SNX29: variants seen among roughly 807,000 people sequenced by gnomAD.
SNX29 encodes the protein sorting nexin 29, also known as sorting nexin-29.
Under a neutral mutation model 102.1 loss-of-function variants are expected in SNX29, and 78 were observed. The ratio of observed to expected loss-of-function variants is 0.76; its 90% CI spans 0.64 to 0.92. The LOEUF (loss-of-function observed/expected upper bound fraction) is 0.92. Ranked by LOEUF, SNX29 falls within the 40% of genes least tolerant of loss-of-function variation. The pLI, the probability that SNX29 is intolerant of heterozygous loss-of-function variation, is 0.00. For synonymous variants in SNX29, 580 were observed against 414.5 expected (o/e 1.40, Z -4.85); for missense variants, 1,280 against 1,061.7 (o/e 1.21, Z -2.86).
At chr16:12,456,908 A>C (rs575864794) in intron 18 of SNX29, among the ~76,000 whole-genome samples, 16 of 152,244 alleles carry the variant, frequency 1.1e-4, no homozygotes, top group African/African-American at 3.9e-4. Context: ...GGGCATTAGC[A>C]TCTTGTCTGC....
intron 19 of SNX29, among the ~76,000 whole-genome samples, chr16:12,518,612 G>A (rs979168486): frequency 6.6e-6 from 1 of 152,124 alleles, no homozygotes; most frequent in Non-Finnish European, 1.5e-5. Context: ...GAGCACCTGT[G>A]GGTTCCATCG....
Position 12,569,946 on chromosome 16 carries a change from T to C in SNX29, c.*1317T>C. 8.6e-6 allele frequency: 2 copies of C among 233,816 alleles called. No individual in the cohort carries two copies. Among genetic ancestry groups the C allele is most frequent in the Non-Finnish European group, 1.7e-5 (2 of 118,870 alleles). 14.5% of individuals were successfully genotyped at this position (233,816 alleles called of 1,614,324 possible). On this transcript the variant is annotated 3_prime_UTR_variant, in exon 21 of 21. Coordinates refer to ENST00000566228, the MANE Select transcript of SNX29 (RefSeq NM_032167.5). ...CCTGAGGAGAAAAGCAGGTGGAAGG[T>C]GACGGTTAGATGGTAAGCCATGGGC...
At chr16:12,206,186 C>G (rs1168880285) in intron 14 of SNX29, among the ~76,000 whole-genome samples, 1 of 152,168 alleles carries the variant, frequency 6.6e-6, no homozygotes, top group Non-Finnish European at 1.5e-5. Flanking sequence ...CTTGTGATGA[C>G]AGGAGTCATA....
intron 11 of SNX29, among the ~76,000 whole-genome samples, chr16:12,082,891 C>G (rs2051977778): frequency 6.6e-6 from 1 of 152,094 alleles, no homozygotes; most frequent in African/African-American, 2.4e-5. Flanking sequence ...CCCACCCTGC[C>G]ATCACCTCCT....
At chr16:12,537,984 CA>C (rs33931845) in intron 20 of SNX29, among the ~76,000 whole-genome samples, 59,969 of 127,684 alleles carry the variant, frequency 0.47, 13,730 homozygotes, top group African/African-American at 0.66. Context: ...AACTCCGTTT[CA>C]AAAAAAAAAA....
At chr16:12,155,884 C>G (rs1049304209) in intron 13 of SNX29, among the ~76,000 whole-genome samples, 6 of 152,204 alleles carry the variant, frequency 3.9e-5, no homozygotes, top group African/African-American at 1.4e-4. Context: ...TGAGATCACT[C>G]CTCTGCTCAA....
intron 3 of SNX29, 146 bp from the exon 4 acceptor site, chr16:12,027,174 C>G (rs1567541599): frequency 1.1e-6 from 1 of 918,492 alleles, no homozygotes. Flanking sequence ...AGGTCAGTTA[C>G]CAAGCCTGCA....
chr16:12,083,362 C>T (rs1414057352), intron 11 of SNX29, among the ~76,000 whole-genome samples: 1 of 151,564 alleles, frequency 6.6e-6, no homozygotes, highest in Non-Finnish European at 1.5e-5. Flanking sequence ...GGCTGAAAGA[C>T]CAAGATCAAG....
intron 18 of SNX29, among the ~76,000 whole-genome samples, chr16:12,409,508 A>G (rs1471752809): frequency 1.4e-5 from 2 of 141,364 alleles, no homozygotes; most frequent in Admixed American, 7.7e-5. Context: ...GGTTCACTGC[A>G]AGCTCCACCT....
At chr16:12,187,347 G>A (rs2141875955) in intron 13 of SNX29, among the ~76,000 whole-genome samples, 1 of 152,270 alleles carries the variant, frequency 6.6e-6, no homozygotes, top group East Asian at 1.9e-4. Flanking sequence ...ATCGTGTGAG[G>A]CCAGGAGTTT....
chr16:12,070,595 G>A (rs1008948625), intron 10 of SNX29, among the ~76,000 whole-genome samples: 2 of 151,696 alleles, frequency 1.3e-5, no homozygotes, highest in Non-Finnish European at 2.9e-5. Flanking sequence ...CATTCGGGTT[G>A]GTTCCAAGTC....
chr16:12,526,737 A>T (rs1052515565), intron 20 of SNX29: 1 of 458,102 alleles, frequency 2.2e-6, no homozygotes, highest in South Asian at 1.9e-5. Flanking sequence ...TGATGCTGAG[A>T]GTGTGAGCAG....
At chr16:12,010,605 G>A (rs935603104) in intron 3 of SNX29, among the ~76,000 whole-genome samples, 1 of 152,180 alleles carries the variant, frequency 6.6e-6, no homozygotes, top group Non-Finnish European at 1.5e-5. Context: ...TAGCCTGGGC[G>A]ATGTGAGACC....
At chr16:12,538,546 T>C (rs1003409845) in intron 20 of SNX29, among the ~76,000 whole-genome samples, 2 of 152,182 alleles carry the variant, frequency 1.3e-5, no homozygotes, top group African/African-American at 4.8e-5. Flanking sequence ...GGTGATGGGC[T>C]AGGAGGCTTA....
intron 14 of SNX29, among the ~76,000 whole-genome samples, chr16:12,227,291 C>T (rs1396501745): frequency 6.6e-6 from 1 of 152,168 alleles, no homozygotes; most frequent in African/African-American, 2.4e-5. Flanking sequence ...TCACCTTTTC[C>T]TTTTCCTCAC....
At chr16:12,008,190 C>T (rs1010897066) in intron 3 of SNX29, among the ~76,000 whole-genome samples, 1 of 152,162 alleles carries the variant, frequency 6.6e-6, no homozygotes, top group African/African-American at 2.4e-5. Flanking sequence ...GTGATCCGCC[C>T]GCCTCGGCCT....
At chr16:12,384,278 T>C (rs186518767) in intron 16 of SNX29, among the ~76,000 whole-genome samples, 150 of 152,332 alleles carry the variant, frequency 9.8e-4, no homozygotes, top group African/African-American at 3.4e-3. Flanking sequence ...CTATTTTTAG[T>C]TTTTTGAGAA....
At chr16:12,217,286 C>G (rs551003126) in intron 14 of SNX29, among the ~76,000 whole-genome samples, 28 of 152,338 alleles carry the variant, frequency 1.8e-4, no homozygotes, top group Admixed American at 1.5e-3. Flanking sequence ...TCCCAAAGTT[C>G]TGGGATTATA....
intron 11 of SNX29, among the ~76,000 whole-genome samples, chr16:12,114,501 G>T (rs1397478298): frequency 1.3e-5 from 2 of 152,046 alleles, no homozygotes; most frequent in Non-Finnish European, 2.9e-5. Context: ...GAGACAGTGA[G>T]TATCACTGTG....
Sources: allele counts gnomAD v4.1 joint callset (sites outside exome capture counted in the v4.1 genomes callset), GRCh38; gene constraint gnomAD v4.1.1; transcripts MANE v1.5; gene names NCBI Gene and HGNC (gene_info 2026-07-23, HGNC 2026-07-21).